DOCK3: variants seen among roughly 807,000 people sequenced by gnomAD.
DOCK3 encodes the protein dedicator of cytokinesis 3, also known as dedicator of cytokinesis protein 3.
DOCK3 carries 60 observed loss-of-function variants against 265.6 expected under a neutral mutation model. The observed-to-expected ratio is 0.23, with a 90% CI of 0.18 to 0.28. DOCK3 has a LOEUF of 0.28. Among genes scored for constraint, DOCK3 ranks in the 10% least tolerant of loss-of-function variants. The pLI is 1.00. For missense variants in DOCK3, 1,981 were observed against 2,594.3 expected, an observed-to-expected ratio of 0.76 and a Z score of 5.14; for synonymous variants, 881 against 938.0, an observed-to-expected ratio of 0.94 and a Z score of 1.11.
Position 51,381,489 on chromosome 3 carries a change from C to T in DOCK3, c.6023C>T (p.Pro2008Leu). ...CCTCGAGGCCTGCACCGCAAGGCTC[C>T]ATTGCCTCCTGGGAGCGCTAAGGAG... ...ERPRGLHRKA[P>L]LPPGSAKEEQ... Residue 2008 changes from proline (P) to leucine (L), a missense_variant, in exon 53 of 53, where the codon CCA becomes CTA. Pro to Leu is a moderately conservative substitution (Grantham distance 98). This residue lies in a region of DOCK3 where 149 missense variants were observed against 144.7 expected (regional missense o/e 1.03). Coordinates refer to ENST00000266037, the MANE Select transcript of DOCK3 (RefSeq NM_004947.5). The surrounding 1 kb of genome is among the most constrained non-coding windows in gnomAD (Gnocchi z 5.6). 6.3e-7 allele frequency: 1 copy of T among 1,586,908 alleles called. No individual in the cohort carries two copies. Among genetic ancestry groups the T allele is most frequent in the Non-Finnish European group, 8.6e-7 (1 of 1,167,528 alleles).
chr3:51,130,711 T>A (rs2084489528), intron 9 of DOCK3, among the ~76,000 whole-genome samples: 1 of 152,154 alleles, frequency 6.6e-6, no homozygotes, highest in South Asian at 2.1e-4. Flanking sequence ...GTATGTATGT[T>A]TGTTTGTTTG....
At chr3:51,284,276 T>C (rs1322135659) in intron 27 of DOCK3, among the ~76,000 whole-genome samples, 2 of 151,812 alleles carry the variant, frequency 1.3e-5, no homozygotes. Flanking sequence ...TGTGAGCACA[T>C]AAATACTTCC....
At chr3:51,018,508 G>C (rs2079452553) in intron 5 of DOCK3, among the ~76,000 whole-genome samples, 1 of 150,770 alleles carries the variant, frequency 6.6e-6, no homozygotes, top group South Asian at 2.1e-4. Context: ...TGGCCATTTG[G>C]GTATATCAGT....
At chr3:50,848,022 G>T (rs1180412536) in intron 3 of DOCK3, among the ~76,000 whole-genome samples, 1 of 151,472 alleles carries the variant, frequency 6.6e-6, no homozygotes, top group East Asian at 1.9e-4. Context: ...AAGTCTTGTT[G>T]AATTCAACTC....
chr3:50,916,383 C>T (rs1673507017), intron 4 of DOCK3, among the ~76,000 whole-genome samples: 1 of 152,044 alleles, frequency 6.6e-6, no homozygotes, highest in African/African-American at 2.4e-5. Flanking sequence ...GCTCCGCCTC[C>T]TGGTTTCCAG....
intron 9 of DOCK3, among the ~76,000 whole-genome samples, chr3:51,123,729 C>G (rs182812272): frequency 3.9e-5 from 6 of 152,284 alleles, no homozygotes; most frequent in Admixed American, 6.5e-5. Flanking sequence ...CATGGGCACC[C>G]TCTGTGTAGC....
rs893414116 is a variant in DOCK3, at chr3:51,311,947, C to T, written c.3018-57C>T. On this transcript the variant is annotated intron_variant, in intron 28 of 52. Coordinates refer to ENST00000266037, the MANE Select transcript of DOCK3 (RefSeq NM_004947.5). ...AGGCTATAGACAGCTGATACCAAGC[C>T]ATCAGATGCCATTGTTAGTCTTTTA... 2.1e-5 allele frequency: 28 copies of T among 1,337,078 alleles called. No homozygotes were observed. The East Asian group carries it at 6.2e-4, about 30-fold the overall frequency. The allele number at this position is 1,337,078 out of a possible 1,614,324, so 82.8% of individuals were successfully genotyped here. A position where few individuals can be genotyped will look rare whatever the true frequency, so the allele number is the denominator to read the frequency against.
chr3:51,017,099 A>G (rs1172636146), intron 5 of DOCK3, among the ~76,000 whole-genome samples: 1 of 148,708 alleles, frequency 6.7e-6, no homozygotes, highest in Non-Finnish European at 1.5e-5. Context: ...TCATGGTTCA[A>G]TCTTTGTAGG....
In DOCK3 at chr3:51,362,506, C is replaced by T. The variant is rs1212002392; in HGVS notation, c.5146-21C>T. ...CCTGGCCATTCAGACCTCTATCCTG[C>T]TGATTTTTCTCCCTTTGCAGCTCGC... On this transcript the variant is annotated intron_variant, in intron 48 of 52. Transcript: ENST00000266037. 3.8e-6 allele frequency: 6 copies of T among 1,592,714 alleles called. No individual in the cohort carries two copies. The East Asian group carries it at 1.4e-4, about 38-fold the overall frequency.
intron 6 of DOCK3, among the ~76,000 whole-genome samples, chr3:51,068,854 A>G (rs1331959156): frequency 6.6e-6 from 1 of 152,206 alleles, no homozygotes; most frequent in Non-Finnish European, 1.5e-5. Context: ...TGTGATGTAT[A>G]TCTGAGTAAT....
Position 51,315,140 on chromosome 3 carries a change from G to T in DOCK3, c.3402+12G>T, listed in dbSNP as rs1560419414. Reference sequence around the variant, plus strand: ...GCAACTTCAAACAGGTAAGACACCTGGCAGTGTTCGGGGTATTCTCTGGAA... The same window carrying T: ...GCAACTTCAAACAGGTAAGACACCTTGCAGTGTTCGGGGTATTCTCTGGAA... On this transcript the variant is annotated intron_variant, in intron 32 of 52. Coordinates refer to ENST00000266037, the MANE Select transcript of DOCK3 (RefSeq NM_004947.5). The T allele has an allele frequency of 6.3e-7, 1 of 1,594,392 alleles. No individual in the cohort carries two copies. Among genetic ancestry groups the T allele is most frequent in the Non-Finnish European group, 8.6e-7 (1 of 1,167,656 alleles).
chr3:51,010,853 G>A (rs1449665719), intron 5 of DOCK3, among the ~76,000 whole-genome samples: 1 of 152,070 alleles, frequency 6.6e-6, no homozygotes, highest in African/African-American at 2.4e-5. Flanking sequence ...TGTCTGTAAA[G>A]GATTTTATTT....
chr3:51,261,343 G>A (rs952359324), intron 23 of DOCK3, among the ~76,000 whole-genome samples: 1 of 152,190 alleles, frequency 6.6e-6, no homozygotes, highest in African/African-American at 2.4e-5. Context: ...CCCAAGGGAA[G>A]CTGGGAGAGA....
chr3:51,224,845 G>A (rs2090255992), intron 14 of DOCK3, among the ~76,000 whole-genome samples: 2 of 152,028 alleles, frequency 1.3e-5, no homozygotes, highest in Non-Finnish European at 2.9e-5. Flanking sequence ...ACATGAACAG[G>A]CAATGCTGTC....
intron 5 of DOCK3, among the ~76,000 whole-genome samples, chr3:51,056,750 T>C (rs1028996905): frequency 2.0e-5 from 3 of 152,168 alleles, no homozygotes; most frequent in African/African-American, 7.2e-5. Flanking sequence ...CTCAAGTTCT[T>C]AATGGTTAAT....
chr3:50,846,481 C>G (rs1318750448), intron 3 of DOCK3, among the ~76,000 whole-genome samples: 1 of 151,998 alleles, frequency 6.6e-6, no homozygotes, highest in Non-Finnish European at 1.5e-5. Context: ...TTTGTTGTGT[C>G]TTTGTAAGAT....
At position 51,374,878 on chromosome 3, in the gene DOCK3, C is replaced by T. The variant is rs928073386; in HGVS notation, c.5412+291C>T. Reference sequence around the variant, plus strand: ...AGATCCTGGACTCGTCATCCCTAAACAGTCTAGCAAAGGTAATTGGTTCTT... The same window carrying T: ...AGATCCTGGACTCGTCATCCCTAAATAGTCTAGCAAAGGTAATTGGTTCTT... On this transcript the variant is annotated intron_variant, in intron 50 of 52. Coordinates refer to ENST00000266037, the MANE Select transcript of DOCK3 (RefSeq NM_004947.5). The surrounding 1 kb of genome is among the most constrained non-coding windows in gnomAD (Gnocchi z 4.8). 1.1e-3 allele frequency among the ~76,000 whole-genome samples: 169 copies of T among 152,340 alleles called. No individual in the cohort carries two copies. Among genetic ancestry groups the T allele is most frequent in the African/African-American group, 3.7e-3 (152 of 41,582 alleles).
chr3:51,206,405 G>A (rs1229801314), intron 12 of DOCK3, among the ~76,000 whole-genome samples: 4 of 152,116 alleles, frequency 2.6e-5, no homozygotes, highest in Non-Finnish European at 4.4e-5. Flanking sequence ...TGACAAATAG[G>A]TGCCCTAAAA....
chr3:51,179,602 A>T (rs2087161860), intron 12 of DOCK3, among the ~76,000 whole-genome samples: 1 of 152,196 alleles, frequency 6.6e-6, no homozygotes, highest in African/African-American at 2.4e-5. Context: ...TAAATATCTA[A>T]TGTGCGTATA....
Sources: allele counts gnomAD v4.1 joint callset (sites outside exome capture counted in the v4.1 genomes callset), GRCh38; gene constraint gnomAD v4.1.1; regional missense constraint gnomAD v4.1.1; non-coding constraint Gnocchi (gnomAD v3.1); transcripts MANE v1.5; gene names NCBI Gene and HGNC (gene_info 2026-07-23, HGNC 2026-07-21).